The following PHF14 variants were observed in gnomAD, a reference collection of about 807,000 sequenced individuals.
PHF14 encodes PHD finger protein 14.
In PHF14, 55 loss-of-function variants were observed where a neutral mutation model predicts 117.9. The ratio of observed to expected loss-of-function variants is 0.47; its 90% confidence interval spans 0.38 to 0.58. The LOEUF is 0.58. PHF14 is among the 20% of genes least tolerant of loss of function. The probability of loss-of-function intolerance (pLI) is 0.00; values close to 1 mark genes in which losing one functional copy is unlikely to be tolerated. For missense variants in PHF14, 978 were observed against 1,122.2 expected, an observed-to-expected ratio of 0.87 and a Z score of 1.84; for synonymous variants, 409 against 368.6, an observed-to-expected ratio of 1.11 and a Z score of -1.26.
chr7:11,027,012 C>G (rs943772603), intron 6 of PHF14, among the ~76,000 whole-genome samples: 32 of 152,100 alleles, frequency 2.1e-4, no homozygotes, highest in Admixed American at 1.9e-3. Context: ...GCTTAGTTCA[C>G]TAGCATTTTA....
At chr7:11,148,680 A>AACAG (rs1788622554) in intron 17 of PHF14, among the ~76,000 whole-genome samples, 1 of 152,200 alleles carries the variant, frequency 6.6e-6, no homozygotes, top group African/African-American at 2.4e-5. Context: ...CATCTCCTAG[A>AACAG]ACAGAACCTG....
At chr7:11,129,870 A>G (rs11978518) in intron 17 of PHF14, among the ~76,000 whole-genome samples, 70,006 of 151,654 alleles carry the variant, frequency 0.46, 16,835 homozygotes, top group East Asian at 0.84. Context: ...TACAGTGGGA[A>G]TTTTGAGAGT....
intron 4 of PHF14, among the ~76,000 whole-genome samples, chr7:11,008,969 G>C (rs930412367): frequency 6.7e-6 from 1 of 150,050 alleles, no homozygotes; most frequent in African/African-American, 2.4e-5. Flanking sequence ...CTGGGAGGTG[G>C]AGCTTGCAGT....
chr7:11,137,676 C>T (rs953267400), intron 17 of PHF14, among the ~76,000 whole-genome samples: 1 of 148,288 alleles, frequency 6.7e-6, no homozygotes, highest in Non-Finnish European at 1.5e-5. Context: ...GCTCCCTGTA[C>T]CCAGGTTCAA....
chr7:10,974,740 T>G lies in PHF14; in HGVS notation c.2-95T>G, dbSNP rs1781803881. The stretch of plus-strand genomic sequence containing the variant: ...GAGAACTCAGTTAGACAAAAATTCC[T>G]TGTGCGAGGTCATCTTTATGTTCTC... On this transcript the variant is annotated intron_variant, in intron 1 of 17. Transcript: ENST00000634607. 8.7e-6 allele frequency: 6 copies of G among 689,804 alleles called. No individual in the cohort carries two copies. In the South Asian group the frequency reaches 1.1e-4, roughly 13 times the overall value. The allele number at this position is 689,804 out of a possible 1,614,324, so 42.7% of individuals were successfully genotyped here. A position where few individuals can be genotyped will look rare whatever the true frequency, so the allele number is the denominator to read the frequency against.
At chr7:11,116,543 G>C (rs911637722) in intron 17 of PHF14, among the ~76,000 whole-genome samples, 1 of 151,752 alleles carries the variant, frequency 6.6e-6, no homozygotes, top group South Asian at 2.1e-4. Flanking sequence ...CAGAAAACTG[G>C]CTCCCATTTT....
At chr7:11,134,894 A>T (rs148044788) in intron 17 of PHF14, among the ~76,000 whole-genome samples, 20 of 152,262 alleles carry the variant, frequency 1.3e-4, no homozygotes, top group Non-Finnish European at 2.5e-4. Context: ...GTAAATTTTT[A>T]TCAAAAGACT....
At chr7:11,152,423 G>A (rs1788727919) in intron 17 of PHF14, among the ~76,000 whole-genome samples, 2 of 151,930 alleles carry the variant, frequency 1.3e-5, no homozygotes, top group African/African-American at 4.8e-5. Context: ...CTTTTGTGAG[G>A]ATTATAAATA....
intron 2 of PHF14, among the ~76,000 whole-genome samples, chr7:10,980,153 G>A (rs750525357): frequency 1.3e-5 from 2 of 152,032 alleles, no homozygotes; most frequent in Non-Finnish European, 2.9e-5. Context: ...AAGTTGGATT[G>A]GTCTCAATTT....
At chr7:11,011,392 T>A (rs1010630257) in intron 4 of PHF14, among the ~76,000 whole-genome samples, 3 of 152,218 alleles carry the variant, frequency 2.0e-5, no homozygotes, top group Non-Finnish European at 4.4e-5. Flanking sequence ...GATCTTACAT[T>A]GGATATATAT....
intron 14 of PHF14, among the ~76,000 whole-genome samples, chr7:11,054,228 T>A (rs1480232316): frequency 6.6e-6 from 1 of 152,098 alleles, no homozygotes; most frequent in East Asian, 1.9e-4. Flanking sequence ...AAATGTAGAC[T>A]TTGGACCCAC....
intron 13 of PHF14, among the ~76,000 whole-genome samples, chr7:11,049,018 C>T (rs1784764734): frequency 6.6e-6 from 1 of 152,024 alleles, no homozygotes; most frequent in Non-Finnish European, 1.5e-5. Flanking sequence ...AATGTCCTGA[C>T]AAGGGTAATT....
chr7:11,122,331 TTATATATATATA>T lies in PHF14; in HGVS notation c.2772+10875_2772+10886del, dbSNP rs146463909. ...AAGGGGAGATTACTGTTTGTACTTT[TTATATATATATA>T]TATATATATACACACACACACACAC... On this transcript the variant is annotated intron_variant, in intron 17 of 17. Transcript: ENST00000634607. Among the ~76,000 whole-genome samples, 547 of 84,052 alleles carry T rather than the reference TTATATATATATA, an allele frequency of 6.5e-3. 16 individuals carry two copies. Among genetic ancestry groups the T allele is most frequent in the Non-Finnish European group, 8.6e-3 (391 of 45,392 alleles). 55.1% of individuals were successfully genotyped at this position (84,052 alleles called of 152,430 possible). A position where few individuals can be genotyped will look rare whatever the true frequency, so the allele number is the denominator to read the frequency against.
intron 16 of PHF14, chr7:11,108,856 T>C (rs941967012): frequency 1.3e-5 from 2 of 151,816 alleles, no homozygotes; most frequent in East Asian, 1.9e-4. Flanking sequence ...ACATGCATCA[T>C]GATAGTTGCC....
intron 17 of PHF14, among the ~76,000 whole-genome samples, chr7:11,113,263 A>G (rs185738420): frequency 3.4e-4 from 52 of 152,254 alleles, no homozygotes; most frequent in African/African-American, 1.2e-3. Flanking sequence ...TGAAAAGGCA[A>G]GGGGGCATAT....
At chr7:11,021,056 C>T (rs1783718336) in intron 5 of PHF14, among the ~76,000 whole-genome samples, 1 of 152,166 alleles carries the variant, frequency 6.6e-6, no homozygotes, top group Non-Finnish European at 1.5e-5. Flanking sequence ...ACTTCAAACT[C>T]CAATTTTATT....
intron 6 of PHF14, among the ~76,000 whole-genome samples, chr7:11,025,682 C>T (rs1783883191): frequency 6.6e-6 from 1 of 152,090 alleles, no homozygotes; most frequent in Admixed American, 6.6e-5. Flanking sequence ...GTAGTCTCAG[C>T]TACTTGGGAG....
At chr7:11,100,354 A>G (rs1002847479) in intron 16 of PHF14, among the ~76,000 whole-genome samples, 6 of 152,108 alleles carry the variant, frequency 3.9e-5, no homozygotes, top group African/African-American at 1.4e-4. Flanking sequence ...ATCCCAGACT[A>G]TGTTTTCTGG....
intron 1 of PHF14, 54 bp downstream of exon 1, chr7:10,974,378 G>T: frequency 1.3e-6 from 2 of 1,493,760 alleles, no homozygotes; most frequent in Non-Finnish European, 1.8e-6. Context: ...CATTCTAGAA[G>T]TCAGGGCCGG....
Sources: allele counts gnomAD v4.1 joint callset (sites outside exome capture counted in the v4.1 genomes callset), GRCh38; gene constraint gnomAD v4.1.1; transcripts MANE v1.5; gene names NCBI Gene and HGNC (gene_info 2026-07-23, HGNC 2026-07-21).